Variants in SUGCT observed in about 807,000 individuals in gnomAD.
SUGCT encodes the protein succinyl-CoA:glutarate-CoA transferase, also known as succinyl-CoA:glutarate CoA-transferase.
In SUGCT, 41 loss-of-function variants were observed where a neutral mutation model predicts 55.0. The ratio of observed to expected loss-of-function variants is 0.74; its 90% CI spans 0.58 to 0.97. The LOEUF is 0.97. Among genes scored for constraint, SUGCT ranks in the 50% least tolerant of loss-of-function variants. SUGCT has a pLI of 0.00. For synonymous variants in SUGCT, 187 were observed against 200.4 expected, an observed-to-expected ratio of 0.93 and a Z score of 0.56; for missense variants, 568 against 547.8, an observed-to-expected ratio of 1.04 and a Z score of -0.37.
intron 9 of SUGCT, among the ~76,000 whole-genome samples, chr7:40,354,520 T>G (rs997105632): frequency 6.6e-6 from 1 of 152,342 alleles, no homozygotes; most frequent in Middle Eastern, 3.4e-3. Flanking sequence ...AAAGAAATTC[T>G]TCTATCTCTT....
At chr7:40,767,258 TATTA>T (rs1288882554) in intron 13 of SUGCT, among the ~76,000 whole-genome samples, 1 of 152,156 alleles carries the variant, frequency 6.6e-6, no homozygotes, top group East Asian at 1.9e-4. Flanking sequence ...AAGGGTGTAA[TATTA>T]ATTCCTGTAA....
At chr7:40,676,959 C>T (rs1377909009) in intron 12 of SUGCT, among the ~76,000 whole-genome samples, 1 of 150,788 alleles carries the variant, frequency 6.6e-6, no homozygotes, top group East Asian at 2.0e-4. Context: ...CATACTCTAA[C>T]ATGCCATGCC....
chr7:40,871,195 TTA>T, the SUGCT span, among the ~76,000 whole-genome samples: 1 of 152,146 alleles, frequency 6.6e-6, no homozygotes, highest in Non-Finnish European at 1.5e-5. Context: ...AGCCACACAT[TTA>T]TATTTGTTTC....
intron 9 of SUGCT, among the ~76,000 whole-genome samples, chr7:40,431,950 T>C (rs939403297): frequency 5.3e-5 from 8 of 152,332 alleles, no homozygotes; most frequent in African/African-American, 1.9e-4. Context: ...TTCCCCCATA[T>C]AGGATTATGT....
At chr7:40,676,799 G>A (rs2151879708) in intron 12 of SUGCT, among the ~76,000 whole-genome samples, 1 of 152,068 alleles carries the variant, frequency 6.6e-6, no homozygotes, top group Middle Eastern at 3.4e-3. Context: ...CACCACGCCT[G>A]GCCTATTCCC....
chr7:40,718,764 T>C (rs1182592353), intron 12 of SUGCT, among the ~76,000 whole-genome samples: 4 of 152,250 alleles, frequency 2.6e-5, no homozygotes, highest in South Asian at 4.1e-4. Flanking sequence ...ATAATACTTA[T>C]TGAAATGGAT....
chr7:40,493,207 A>T (rs972041312), intron 11 of SUGCT, among the ~76,000 whole-genome samples: 2 of 152,226 alleles, frequency 1.3e-5, no homozygotes, highest in African/African-American at 4.8e-5. Context: ...CTAAAAGCTG[A>T]ATGAATTTGA....
chr7:40,828,725 G>A lies in SUGCT; in HGVS notation c.1154-31591G>A, dbSNP rs548102891. On this transcript the variant is annotated intron_variant, in intron 13 of 13. Transcript: ENST00000335693. ...AGATACCTTTATGCAGTAAGAGCTA[G>A]AAAATGCATGGGAAAGACTGACCTC... Among the ~76,000 whole-genome samples, 17 of 152,170 alleles carry A rather than the reference G, an allele frequency of 1.1e-4. No homozygotes were observed. The South Asian group carries it at 3.1e-3, about 28-fold the overall frequency.
At chr7:40,150,141 C>G (rs1039260595) in intron 1 of SUGCT, among the ~76,000 whole-genome samples, 15 of 152,200 alleles carry the variant, frequency 9.9e-5, no homozygotes, top group African/African-American at 3.1e-4. Context: ...CTACAAGATT[C>G]TGACCCTCCC....
At chr7:40,212,690 G>T (rs1314926286) in intron 6 of SUGCT, among the ~76,000 whole-genome samples, 2 of 152,054 alleles carry the variant, frequency 1.3e-5, no homozygotes, top group African/African-American at 4.8e-5. Context: ...TTGTGCCACC[G>T]CATCCAGCTA....
At chr7:40,208,976 T>C (rs1787174549) in intron 6 of SUGCT, among the ~76,000 whole-genome samples, 1 of 152,244 alleles carries the variant, frequency 6.6e-6, no homozygotes, top group Non-Finnish European at 1.5e-5. Flanking sequence ...CAATATTTCA[T>C]GTTTTTATCC....
intron 12 of SUGCT, among the ~76,000 whole-genome samples, chr7:40,520,541 C>T (rs1793475957): frequency 6.6e-6 from 1 of 152,066 alleles, no homozygotes; most frequent in Non-Finnish European, 1.5e-5. Context: ...AAACTTCTAC[C>T]TTCAGAGGAG....
chr7:40,843,387 G>A (rs1793377439), intron 13 of SUGCT, among the ~76,000 whole-genome samples: 1 of 151,860 alleles, frequency 6.6e-6, no homozygotes, highest in South Asian at 2.1e-4. Flanking sequence ...GCGCATGCCT[G>A]TAATCCCAGC....
intron 7 of SUGCT, among the ~76,000 whole-genome samples, chr7:40,263,179 C>T (rs943206223): frequency 2.0e-5 from 3 of 152,200 alleles, no homozygotes; most frequent in African/African-American, 7.2e-5. Flanking sequence ...ACCTTGGCCT[C>T]CCAAAATGTT....
chr7:40,342,708 T>A (rs2151180406), intron 9 of SUGCT, among the ~76,000 whole-genome samples: 1 of 152,156 alleles, frequency 6.6e-6, no homozygotes, highest in South Asian at 2.1e-4. Flanking sequence ...AGTGGCGTGA[T>A]CTTGACTCAC....
chr7:40,418,005 G>A (rs1330108579), intron 9 of SUGCT, among the ~76,000 whole-genome samples: 1 of 151,872 alleles, frequency 6.6e-6, no homozygotes, highest in African/African-American at 2.4e-5. Context: ...ACGAGTCAAA[G>A]CTTCATGTGA....
the SUGCT span, among the ~76,000 whole-genome samples, chr7:40,882,619 G>C: frequency 6.6e-6 from 1 of 152,190 alleles, no homozygotes; most frequent in African/African-American, 2.4e-5. Flanking sequence ...TGTGAAGTCT[G>C]CTACCCATTG....
chr7:40,562,586 T>C (rs1253484971), intron 12 of SUGCT, among the ~76,000 whole-genome samples: 1 of 152,042 alleles, frequency 6.6e-6, no homozygotes, highest in Non-Finnish European at 1.5e-5. Context: ...AATTGATCAG[T>C]GTGGGAAAGG....
At chr7:40,841,313 C>T (rs991614950) in intron 13 of SUGCT, among the ~76,000 whole-genome samples, 8 of 152,082 alleles carry the variant, frequency 5.3e-5, no homozygotes, top group Admixed American at 1.3e-4. Flanking sequence ...TCCTGTTTTA[C>T]AGACCTTTAG....
Sources: gnomAD v4.1 joint callset for allele counts (sites outside exome capture counted in the v4.1 genomes callset) on GRCh38, gnomAD v4.1.1 for gene constraint, MANE v1.5 for transcripts, NCBI Gene and HGNC (gene_info 2026-07-23, HGNC 2026-07-21) for gene names.